Variants in CAST observed in about 807,000 individuals in gnomAD.
The protein encoded by CAST is MIR583 host.
In CAST, 76 loss-of-function variants were observed where a neutral mutation model predicts 119.6. That is an observed-to-expected ratio of 0.64 (90% CI 0.53 to 0.77). The LOEUF (loss-of-function observed/expected upper bound fraction) is 0.77. CAST is among the 30% of genes least tolerant of loss of function. The pLI, the probability that CAST is intolerant of heterozygous loss-of-function variation, is 0.00. For synonymous variants in CAST, 319 were observed against 331.6 expected, an observed-to-expected ratio of 0.96 and a Z score of 0.41; for missense variants, 953 against 946.5, an observed-to-expected ratio of 1.01 and a Z score of -0.09.
chr5:96,119,373 G>A, the CAST span, among the ~76,000 whole-genome samples: 1 of 152,014 alleles, frequency 6.6e-6, no homozygotes, highest in East Asian at 1.9e-4. Context: ...TTAAAATCTA[G>A]AGGTTTCACA....
chr5:96,662,775 T>C (rs1044075044), intron 1 of CAST, among the ~76,000 whole-genome samples: 2 of 151,610 alleles, frequency 1.3e-5, no homozygotes, highest in African/African-American at 2.4e-5. Flanking sequence ...CGTGGGTGAA[T>C]GAGGATGAGG....
the CAST span, among the ~76,000 whole-genome samples, chr5:96,363,419 C>T: frequency 4.6e-5 from 7 of 151,748 alleles, no homozygotes; most frequent in African/African-American, 1.5e-4. Flanking sequence ...TATAAATTAC[C>T]TTGGGCAGTA....
intron 2 of CAST, among the ~76,000 whole-genome samples, chr5:96,685,512 T>C (rs968574436): frequency 1.3e-5 from 2 of 152,204 alleles, no homozygotes; most frequent in African/African-American, 4.8e-5. Flanking sequence ...CATAATGGCT[T>C]GTACATTATA....
chr5:96,090,136 C>T, the CAST span, among the ~76,000 whole-genome samples: 1 of 152,080 alleles, frequency 6.6e-6, no homozygotes, highest in Admixed American at 6.5e-5. Context: ...CTTAATCAAG[C>T]CTTGATGAAA....
chr5:96,249,675 A>G, the CAST span, among the ~76,000 whole-genome samples: 35 of 152,368 alleles, frequency 2.3e-4, no homozygotes, highest in African/African-American at 8.2e-4. Flanking sequence ...GCTAGATTAA[A>G]CACAATAAAC....
chr5:96,558,745 C>A (rs535088142), intron 1 of CAST, among the ~76,000 whole-genome samples: 11 of 152,256 alleles, frequency 7.2e-5, no homozygotes, highest in Admixed American at 3.9e-4. Flanking sequence ...AGTCCAGGAC[C>A]AGATGGATTC....
the CAST span, among the ~76,000 whole-genome samples, chr5:96,366,728 C>A: frequency 2.5e-4 from 38 of 152,260 alleles, no homozygotes; most frequent in South Asian, 1.2e-3. Context: ...TAGCCACTCA[C>A]CTAATCTTTT....
In CAST at chr5:96,653,098, C is replaced by T. The variant is rs531878910; in HGVS notation, c.61-22441C>T. Among the ~76,000 whole-genome samples the T allele has an allele frequency of 9.2e-5, 14 of 152,318 alleles. No individual in the cohort carries two copies. The South Asian group carries it at 2.7e-3, about 29-fold the overall frequency. ...AGTTATTCCATAGTTTAGTGATTGC[C>T]TTCATATTTTCTCACAGGCTCCAGG... On this transcript the variant is annotated intron_variant, in intron 1 of 11. Coordinates refer to the CAST transcript ENST00000505143.
intron 1 of CAST, among the ~76,000 whole-genome samples, chr5:96,646,134 C>T (rs1580857189): frequency 6.6e-6 from 1 of 152,060 alleles, no homozygotes; most frequent in African/African-American, 2.4e-5. Flanking sequence ...AACACACCAC[C>T]GTCAATATTG....
the CAST span, among the ~76,000 whole-genome samples, chr5:95,992,148 G>A: frequency 3.3e-5 from 5 of 152,242 alleles, no homozygotes; most frequent in Non-Finnish European, 5.9e-5. Flanking sequence ...GGATCTTGAC[G>A]AGAAATCCAT....
intron 1 of CAST, among the ~76,000 whole-genome samples, chr5:96,608,984 A>C (rs2150195730): frequency 6.6e-6 from 1 of 152,346 alleles, no homozygotes; most frequent in Middle Eastern, 3.4e-3. Flanking sequence ...ATTACAATTC[A>C]ACGTGAGATT....
the CAST span, among the ~76,000 whole-genome samples, chr5:96,159,068 G>A: frequency 6.6e-6 from 1 of 152,152 alleles, no homozygotes; most frequent in Non-Finnish European, 1.5e-5. Context: ...CCTGGAATTT[G>A]ATGTAGATTT....
At chr5:96,657,284 A>G (rs1431835380), upstream of CAST, among the ~76,000 whole-genome samples, 2 of 152,174 alleles carry the variant, frequency 1.3e-5, no homozygotes, top group Non-Finnish European at 1.5e-5. Context: ...CACCATGATG[A>G]CCAACTGTGG....
chr5:96,200,443 A>C, the CAST span, among the ~76,000 whole-genome samples: 3 of 152,126 alleles, frequency 2.0e-5, no homozygotes, highest in Non-Finnish European at 2.9e-5. Context: ...CACTAGAGTA[A>C]GTTTCTAGAT....
At chr5:96,671,652 CAG>C (rs1750090543) in intron 1 of CAST, among the ~76,000 whole-genome samples, 1 of 152,208 alleles carries the variant, frequency 6.6e-6, no homozygotes, top group South Asian at 2.1e-4. Context: ...GGGCCTAGCA[CAG>C]AGCAGATGCT....
chr5:96,492,565 T>C, the CAST span, among the ~76,000 whole-genome samples: 1 of 152,224 alleles, frequency 6.6e-6, no homozygotes, highest in African/African-American at 2.4e-5. Context: ...TCCTAGTTAT[T>C]TGAATCTTTG....
At chr5:96,226,940 G>T in the CAST span, among the ~76,000 whole-genome samples, 1 of 152,150 alleles carries the variant, frequency 6.6e-6, no homozygotes, top group Non-Finnish European at 1.5e-5. Flanking sequence ...CACACTATTG[G>T]CTATGTATTC....
chr5:96,631,062 G>C (rs554787819), intron 1 of CAST: 1 of 140,608 alleles, frequency 7.1e-6, no homozygotes, highest in Non-Finnish European at 1.6e-5. Flanking sequence ...ATTCACAGGA[G>C]CCTTCCTTTC....
the CAST span, among the ~76,000 whole-genome samples, chr5:96,010,694 A>T: frequency 6.6e-6 from 1 of 152,356 alleles, no homozygotes; most frequent in South Asian, 2.1e-4. Context: ...TGCTTTGGAC[A>T]GTATGACCAT....
Sources: allele counts gnomAD v4.1 joint callset (sites outside exome capture counted in the v4.1 genomes callset), GRCh38; gene constraint gnomAD v4.1.1; transcripts MANE v1.5; gene names NCBI Gene and HGNC (gene_info 2026-07-23, HGNC 2026-07-21).